Variants in CCSER1 observed in about 807,000 individuals in gnomAD.
CCSER1 encodes the protein serine-rich coiled-coil domain-containing protein 1.
CCSER1 carries 41 observed loss-of-function variants against 82.0 expected under a neutral mutation model. The ratio of observed to expected loss-of-function variants is 0.50; its 90% CI spans 0.39 to 0.65. The LOEUF is 0.65. Ranked by LOEUF, CCSER1 falls within the 30% of genes least tolerant of loss-of-function variation. CCSER1 has a pLI of 0.00. For missense variants in CCSER1, 1,119 were observed against 1,064.2 expected (o/e 1.05, Z -0.72); for synonymous variants, 414 against 383.9 (o/e 1.08, Z -0.92).
At chr4:90,330,665 T>C (rs1739111883) in intron 3 of CCSER1, among the ~76,000 whole-genome samples, 1 of 152,154 alleles carries the variant, frequency 6.6e-6, no homozygotes, top group African/African-American at 2.4e-5. Context: ...TGCGTGCTTT[T>C]CTCTAATAGC....
chr4:90,738,760 C>T (rs1407614341), intron 7 of CCSER1, among the ~76,000 whole-genome samples: 2 of 152,156 alleles, frequency 1.3e-5, no homozygotes, highest in East Asian at 3.9e-4. Context: ...CTACCCCAGG[C>T]CTAGGGTGAG....
intron 6 of CCSER1, among the ~76,000 whole-genome samples, chr4:90,661,485 C>A (rs1363895508): frequency 6.6e-6 from 1 of 152,102 alleles, no homozygotes; most frequent in Non-Finnish European, 1.5e-5. Flanking sequence ...AATGTAAAGG[C>A]TTCTTAGAAA....
chr4:91,548,259 C>G (rs192056236), intron 10 of CCSER1, among the ~76,000 whole-genome samples: 132 of 152,204 alleles, frequency 8.7e-4, no homozygotes, highest in African/African-American at 3.1e-3. Flanking sequence ...AATGCAATTA[C>G]CTTATAATAA....
Position 91,272,895 on chromosome 4 carries a change from G to A in CCSER1, c.2217+186901G>A, listed in dbSNP as rs565786631. Among the ~76,000 whole-genome samples the A allele has an allele frequency of 4.9e-4, 74 of 152,080 alleles. No individual in the cohort carries two copies. The South Asian group carries it at 0.015, about 30-fold the overall frequency. On this transcript the variant is annotated intron_variant, in intron 10 of 10. Transcript: ENST00000509176. ...ATTCTTGTTTGCTTTGTCAAGGATTGGTTGGCTGTAAGTATTTGGTTTTAT... is the reference window on the plus strand; with the variant it reads ...ATTCTTGTTTGCTTTGTCAAGGATTAGTTGGCTGTAAGTATTTGGTTTTAT...
chr4:91,165,105 G>C (rs1296337943), intron 10 of CCSER1, among the ~76,000 whole-genome samples: 1 of 152,190 alleles, frequency 6.6e-6, no homozygotes, highest in East Asian at 1.9e-4. Context: ...GTGTCCTACA[G>C]ATGTGGTTTT....
At chr4:90,700,095 G>C (rs936415566) in intron 6 of CCSER1, among the ~76,000 whole-genome samples, 1 of 151,468 alleles carries the variant, frequency 6.6e-6, no homozygotes, top group Admixed American at 6.6e-5. Flanking sequence ...CCATTAACTC[G>C]TCATTTACAT....
intron 10 of CCSER1, among the ~76,000 whole-genome samples, chr4:91,594,786 G>A (rs1176488355): frequency 6.6e-6 from 1 of 151,932 alleles, no homozygotes; most frequent in Non-Finnish European, 1.5e-5. Context: ...TTCATTCCAT[G>A]TTACACAGTT....
At chr4:91,282,010 TACTTAG>T (rs1208094737) in intron 10 of CCSER1, among the ~76,000 whole-genome samples, 1 of 152,222 alleles carries the variant, frequency 6.6e-6, no homozygotes. Context: ...AGCTTTTAAT[TACTTAG>T]ACTTGATGTA....
chr4:91,312,573 A>G (rs1745558884), intron 10 of CCSER1, among the ~76,000 whole-genome samples: 2 of 152,026 alleles, frequency 1.3e-5, no homozygotes, highest in South Asian at 2.1e-4. Flanking sequence ...AAACTAAAAA[A>G]GTGCCCTCAA....
At chr4:90,404,723 C>T (rs1366280584) in intron 4 of CCSER1, among the ~76,000 whole-genome samples, 1 of 152,176 alleles carries the variant, frequency 6.6e-6, no homozygotes, top group Non-Finnish European at 1.5e-5. Flanking sequence ...AGCCCAGAGC[C>T]CAGTAGCTCT....
intron 5 of CCSER1, among the ~76,000 whole-genome samples, chr4:90,485,977 G>C (rs1766979892): frequency 1.3e-5 from 2 of 151,964 alleles, no homozygotes; most frequent in Non-Finnish European, 2.9e-5. Context: ...TCAACTCAGA[G>C]GACTCTGTCA....
At chr4:91,095,136 G>C (rs963096600) in intron 10 of CCSER1, among the ~76,000 whole-genome samples, 1 of 152,140 alleles carries the variant, frequency 6.6e-6, no homozygotes, top group Non-Finnish European at 1.5e-5. Flanking sequence ...GCCCCCTATT[G>C]TCATCCTGAC....
intron 6 of CCSER1, among the ~76,000 whole-genome samples, chr4:90,657,929 C>T (rs900112165): frequency 6.6e-6 from 1 of 152,108 alleles, no homozygotes; most frequent in African/African-American, 2.4e-5. Context: ...CATGGCAAAC[C>T]CCATCTCTAC....
At position 91,294,525 on chromosome 4, in the gene CCSER1, T is replaced by C. The variant is rs181660626; in HGVS notation, c.2217+208531T>C. ...AAAACAACACAAATACATTCTCTTC[T>C]GGAGGCCTGAAATGCAAAATCAGGA... On this transcript the variant is annotated intron_variant, in intron 10 of 10. Transcript: ENST00000509176. Among the ~76,000 whole-genome samples, 364 of 151,928 alleles carry C rather than the reference T, an allele frequency of 2.4e-3. 1 individual carries two copies. Among genetic ancestry groups the C allele is most frequent in the African/African-American group, 7.5e-3 (313 of 41,496 alleles).
intron 3 of CCSER1, among the ~76,000 whole-genome samples, chr4:90,383,319 A>G (rs1749507585): frequency 1.3e-5 from 2 of 152,218 alleles, no homozygotes. Context: ...GATAGGCAAA[A>G]TGAATTACAG....
chr4:90,420,005 T>C (rs1343645890), intron 4 of CCSER1, among the ~76,000 whole-genome samples: 1 of 151,960 alleles, frequency 6.6e-6, no homozygotes, highest in Non-Finnish European at 1.5e-5. Flanking sequence ...AGGATAGCTG[T>C]GCGAAAGGCT....
intron 10 of CCSER1, among the ~76,000 whole-genome samples, chr4:91,481,631 C>T (rs888750024): frequency 6.6e-6 from 1 of 152,286 alleles, no homozygotes; most frequent in East Asian, 1.9e-4. Context: ...TTGGGCAACA[C>T]TCTACAAATG....
intron 1 of CCSER1, among the ~76,000 whole-genome samples, chr4:90,157,098 G>T (rs937610266): frequency 6.6e-6 from 1 of 152,166 alleles, no homozygotes; most frequent in Non-Finnish European, 1.5e-5. Context: ...GCATTTGCTT[G>T]TCTGTAAAGT....
At chr4:90,157,911 T>TC (rs1728595826) in intron 1 of CCSER1, among the ~76,000 whole-genome samples, 2 of 152,220 alleles carry the variant, frequency 1.3e-5, no homozygotes, top group Non-Finnish European at 2.9e-5. Context: ...GTTCCGTTGC[T>TC]GGTGAGGAAC....
Sources: allele counts gnomAD v4.1 joint callset (sites outside exome capture counted in the v4.1 genomes callset), GRCh38; gene constraint gnomAD v4.1.1; transcripts MANE v1.5; gene names NCBI Gene and HGNC (gene_info 2026-07-23, HGNC 2026-07-21).